Variants in ABL2 observed in about 807,000 individuals in gnomAD.
The protein encoded by ABL2 is tyrosine-protein kinase ABL2.
A neutral mutation model predicts 107.7 loss-of-function variants in ABL2; 49 were observed. That is an observed-to-expected ratio of 0.45 (90% CI 0.36 to 0.58). ABL2 has a LOEUF of 0.58. Among genes scored for constraint, ABL2 ranks in the 20% least tolerant of loss-of-function variants. The pLI is 0.00. For missense variants in ABL2, 1,245 were observed against 1,457.0 expected, an observed-to-expected ratio of 0.85 and a Z score of 2.37; for synonymous variants, 549 against 548.6, an observed-to-expected ratio of 1.00 and a Z score of -0.01.
intron 4 of ABL2, among the ~76,000 whole-genome samples, chr1:179,124,098 G>A (rs944203589): frequency 4.6e-5 from 7 of 151,904 alleles, no homozygotes; most frequent in Non-Finnish European, 1.0e-4. Context: ...AAAATTAGCC[G>A]GGCGTGGTGG....
intron 1 of ABL2, among the ~76,000 whole-genome samples, chr1:179,167,848 G>T (rs1271495732): frequency 6.6e-6 from 1 of 152,174 alleles, no homozygotes; most frequent in Non-Finnish European, 1.5e-5. Context: ...GGGTGTGGTG[G>T]CAGGCGCCAG....
chr1:179,218,436 A>G (rs1181297570), intron 1 of ABL2, among the ~76,000 whole-genome samples: 1 of 152,060 alleles, frequency 6.6e-6, no homozygotes, highest in South Asian at 2.1e-4. Context: ...TCGCTCTGTC[A>G]CCCAGGCTGG....
chr1:179,220,710 C>G (rs931441), intron 1 of ABL2, among the ~76,000 whole-genome samples: 31,568 of 152,168 alleles, frequency 0.21, 4,179 homozygotes, highest in East Asian at 0.36. Flanking sequence ...GTCTGAAAGT[C>G]TGGTTTTCAG....
intron 1 of ABL2, among the ~76,000 whole-genome samples, chr1:179,143,590 T>A (rs1388591093): frequency 6.6e-6 from 1 of 152,232 alleles, no homozygotes. Context: ...AAGAAATAAC[T>A]GCCTTTGCTA....
chr1:179,131,216 T>TTA, intron 3 of ABL2, 95 bp downstream of exon 3: 1 of 1,370,352 alleles, frequency 7.3e-7, no homozygotes, highest in African/African-American at 1.5e-5. Flanking sequence ...AGTGCTGAGA[T>TTA]TATAGGTGTG....
chr1:179,169,677 C>T (rs560465329), intron 1 of ABL2, among the ~76,000 whole-genome samples: 1 of 152,182 alleles, frequency 6.6e-6, no homozygotes, highest in East Asian at 1.9e-4. Context: ...TTAATTCTAT[C>T]CAACTCTATA....
chr1:179,163,946 C>A (rs1008623589), intron 1 of ABL2, among the ~76,000 whole-genome samples: 9 of 152,276 alleles, frequency 5.9e-5, no homozygotes, highest in African/African-American at 1.9e-4. Flanking sequence ...AGAAGCCAAT[C>A]TCAAAAGATC....
intron 1 of ABL2, among the ~76,000 whole-genome samples, chr1:179,154,445 T>C (rs1658557002): frequency 6.6e-6 from 1 of 152,232 alleles, no homozygotes; most frequent in Non-Finnish European, 1.5e-5. Context: ...ATTTATTATA[T>C]TCGGAAACTC....
intron 1 of ABL2, among the ~76,000 whole-genome samples, chr1:179,164,746 C>A (rs1659280199): frequency 6.6e-6 from 1 of 152,144 alleles, no homozygotes; most frequent in Admixed American, 6.5e-5. Flanking sequence ...TGGAAGCATG[C>A]AACAACTGCT....
At chr1:179,119,523 A>C (rs1363088116) in intron 6 of ABL2, among the ~76,000 whole-genome samples, 1 of 139,134 alleles carries the variant, frequency 7.2e-6, no homozygotes, top group African/African-American at 2.7e-5. Context: ...AAAAACAAAC[A>C]AAAAAAAACA....
intron 3 of ABL2, among the ~76,000 whole-genome samples, chr1:179,130,910 C>T (rs1856968): frequency 0.35 from 52,623 of 150,782 alleles, 9,559 homozygotes; most frequent in East Asian, 0.49. Context: ...AAGCCACTGC[C>T]GGGGAAAAAA....
At chr1:179,132,410 A>G (rs1557938344) in intron 2 of ABL2, among the ~76,000 whole-genome samples, 1 of 152,202 alleles carries the variant, frequency 6.6e-6, no homozygotes, top group Non-Finnish European at 1.5e-5. Context: ...TTTTTCCAGT[A>G]TCAATTTTCT....
intron 5 of ABL2, among the ~76,000 whole-genome samples, chr1:179,121,239 GAA>G (rs1172935620): frequency 6.6e-6 from 1 of 152,184 alleles, no homozygotes; most frequent in African/African-American, 2.4e-5. Flanking sequence ...GACAGAACAA[GAA>G]AGAGGCCCAT....
chr1:179,109,853 A>G (rs1342240741), intron 11 of ABL2, among the ~76,000 whole-genome samples: 2 of 151,634 alleles, frequency 1.3e-5, no homozygotes, highest in Admixed American at 6.6e-5. Context: ...GCGTGAACCC[A>G]GAAGGCGGAG....
chr1:179,134,991 C>A (rs1006812455), intron 1 of ABL2, among the ~76,000 whole-genome samples: 31 of 152,262 alleles, frequency 2.0e-4, no homozygotes, highest in East Asian at 5.8e-4. Context: ...CTCGGCCTCC[C>A]GAGGTGCCGG....
intron 1 of ABL2, among the ~76,000 whole-genome samples, chr1:179,202,874 A>C (rs978223993): frequency 6.6e-6 from 1 of 152,208 alleles, no homozygotes; most frequent in African/African-American, 2.4e-5. Context: ...AAAAACAAAA[A>C]CCAACCACCA....
At chr1:179,130,878 T>C (rs150803470) in intron 3 of ABL2, among the ~76,000 whole-genome samples, 131 of 152,216 alleles carry the variant, frequency 8.6e-4, no homozygotes, top group African/African-American at 2.9e-3. Context: ...CCTAAGCTTA[T>C]TCTTACCTTT....
At position 179,106,600 on chromosome 1, in the gene ABL2, G is replaced by A. The variant is rs1048271370; in HGVS notation, c.*1118C>T. 4.3e-6 allele frequency: 1 copy of A among 232,846 alleles called. No individual in the cohort carries two copies. Among genetic ancestry groups the A allele is most frequent in the Non-Finnish European group, 8.5e-6 (1 of 117,816 alleles). The allele number at this position is 232,846 out of a possible 1,614,324, so 14.4% of individuals were successfully genotyped here. A position where few individuals can be genotyped will look rare whatever the true frequency, so the allele number is the denominator to read the frequency against. Reference sequence around the variant, plus strand: ...CCTCTCCCTATTCTCTACCTGGATTGGGCTTAAGGTGGTAAGGGAAGGGAA... The same window carrying A: ...CCTCTCCCTATTCTCTACCTGGATTAGGCTTAAGGTGGTAAGGGAAGGGAA... On this transcript the variant is annotated 3_prime_UTR_variant, in exon 12 of 12. Transcript: ENST00000502732.
intron 4 of ABL2, among the ~76,000 whole-genome samples, chr1:179,123,867 G>C (rs1353165061): frequency 1.3e-5 from 2 of 152,146 alleles, no homozygotes; most frequent in African/African-American, 4.8e-5. Flanking sequence ...CTGGGCTCAA[G>C]TGATCTACCC....
Sources: allele counts gnomAD v4.1 joint callset (sites outside exome capture counted in the v4.1 genomes callset), GRCh38; gene constraint gnomAD v4.1.1; transcripts MANE v1.5; gene names NCBI Gene and HGNC (gene_info 2026-07-23, HGNC 2026-07-21).